RABGAP1L: variants seen among roughly 807,000 people sequenced by gnomAD.
RABGAP1L encodes the protein rab GTPase-activating protein 1-like.
A neutral mutation model predicts 137.7 loss-of-function variants in RABGAP1L; 63 were observed. That is an observed-to-expected ratio of 0.46 (90% CI 0.37 to 0.56). The LOEUF is 0.56. Among genes scored for constraint, RABGAP1L ranks in the 20% least tolerant of loss-of-function variants. RABGAP1L has a pLI of 0.00. For synonymous variants in RABGAP1L, 431 were observed against 433.7 expected (o/e 0.99, Z 0.08); for missense variants, 1,095 against 1,244.0 (o/e 0.88, Z 1.80).
chr1:174,911,767 G>T (rs927050865), intron 19 of RABGAP1L, among the ~76,000 whole-genome samples: 84 of 152,294 alleles, frequency 5.5e-4, no homozygotes, highest in African/African-American at 1.9e-3. Context: ...TTGCCTTGAT[G>T]GCGTAGAATG....
At chr1:174,817,821 A>C (rs1443468961) in intron 19 of RABGAP1L, among the ~76,000 whole-genome samples, 2 of 152,158 alleles carry the variant, frequency 1.3e-5, no homozygotes, top group African/African-American at 2.4e-5. Context: ...AGGCTGAAGA[A>C]ATTATGGATG....
chr1:174,179,830 G>A (rs1666210333), intron 1 of RABGAP1L, among the ~76,000 whole-genome samples: 1 of 152,310 alleles, frequency 6.6e-6, no homozygotes, highest in African/African-American at 2.4e-5. Context: ...CTGGAATAGA[G>A]CAAGCCCTGT....
intron 7 of RABGAP1L, among the ~76,000 whole-genome samples, 175 bp downstream of exon 7, chr1:174,252,765 A>G (rs956179442): frequency 1.3e-5 from 2 of 152,138 alleles, no homozygotes; most frequent in African/African-American, 2.4e-5. Context: ...TTGAAAATCA[A>G]TTGCTGGGGT....
At chr1:174,482,207 C>G (rs1034021771) in intron 13 of RABGAP1L, among the ~76,000 whole-genome samples, 6 of 152,192 alleles carry the variant, frequency 3.9e-5, no homozygotes, top group African/African-American at 1.2e-4. Flanking sequence ...GATTTCCCCC[C>G]AGAGCCTCCA....
chr1:174,629,721 C>T lies in RABGAP1L; in HGVS notation c.1711-7654C>T, dbSNP rs977884410. ...GTATTTTTTAGTAGAGACTGGGTTT[C>T]ACCGTGTTGCCAGGCTGGTCTCGAA... On this transcript the variant is annotated intron_variant, in intron 13 of 25. Transcript: ENST00000681986. Among the ~76,000 whole-genome samples the T allele has an allele frequency of 1.7e-4, 26 of 152,088 alleles. 1 individual carries two copies. The highest frequency in any genetic ancestry group is 1.7e-3 in the Admixed American group (26 of 15,276).
chr1:174,364,234 T>C (rs2148974285), intron 11 of RABGAP1L, among the ~76,000 whole-genome samples: 1 of 145,952 alleles, frequency 6.9e-6, no homozygotes, highest in African/African-American at 2.6e-5. Context: ...TGTTCAGCTT[T>C]TGGATTTCCT....
chr1:174,395,735 A>G, intron 13 of RABGAP1L, among the ~76,000 whole-genome samples: 1 of 151,824 alleles, frequency 6.6e-6, no homozygotes, highest in East Asian at 1.9e-4. Flanking sequence ...CTGGAGTCTC[A>G]GCTATTGAGA....
chr1:174,808,735 C>T (rs951186968), intron 18 of RABGAP1L, among the ~76,000 whole-genome samples: 1 of 151,528 alleles, frequency 6.6e-6, no homozygotes, highest in Non-Finnish European at 1.5e-5. Flanking sequence ...CTCTCTGCAA[C>T]CTCCACCTCC....
intron 13 of RABGAP1L, among the ~76,000 whole-genome samples, chr1:174,491,155 C>T (rs1327826468): frequency 6.6e-6 from 1 of 152,098 alleles, no homozygotes; most frequent in Non-Finnish European, 1.5e-5. Context: ...GTCATCATAG[C>T]TACCACAGCT....
At chr1:174,436,261 T>C (rs867154825) in intron 13 of RABGAP1L, among the ~76,000 whole-genome samples, 18 of 152,352 alleles carry the variant, frequency 1.2e-4, no homozygotes, top group East Asian at 3.9e-4. Flanking sequence ...AACTAGTTTA[T>C]AGTCCCACCA....
At chr1:174,676,272 G>C (rs1321528341) in intron 14 of RABGAP1L, among the ~76,000 whole-genome samples, 1 of 152,080 alleles carries the variant, frequency 6.6e-6, no homozygotes, top group East Asian at 1.9e-4. Context: ...GAGTGTAGTT[G>C]ATGAAGATGG....
intron 13 of RABGAP1L, among the ~76,000 whole-genome samples, chr1:174,441,856 T>G (rs1654196171): frequency 6.6e-6 from 1 of 151,088 alleles, no homozygotes; most frequent in Admixed American, 6.6e-5. Context: ...TTTTTAAAGT[T>G]GGTGGAAAGA....
chr1:174,162,753 C>CTTTTT (rs971302832), intron 1 of RABGAP1L, among the ~76,000 whole-genome samples: 1 of 37,180 alleles, frequency 2.7e-5, no homozygotes, highest in Non-Finnish European at 5.9e-5. Context: ...GCTGGTATTT[C>CTTTTT]TTTTTTTTTT....
intron 19 of RABGAP1L, among the ~76,000 whole-genome samples, chr1:174,860,511 G>C (rs1233780011): frequency 2.0e-5 from 3 of 152,006 alleles, no homozygotes; most frequent in Admixed American, 1.3e-4. Context: ...AGAGAGGTAG[G>C]GTGGGGAATT....
chr1:174,165,968 C>T (rs895912957), intron 1 of RABGAP1L, among the ~76,000 whole-genome samples: 2 of 152,158 alleles, frequency 1.3e-5, no homozygotes, highest in African/African-American at 4.8e-5. Flanking sequence ...CCGTTAGCAC[C>T]AGATGGTTAA....
At chr1:174,774,517 G>A (rs897815500) in intron 18 of RABGAP1L, among the ~76,000 whole-genome samples, 1 of 151,916 alleles carries the variant, frequency 6.6e-6, no homozygotes, top group Non-Finnish European at 1.5e-5. Flanking sequence ...CTGGGTGACA[G>A]AGTGAGATCC....
chr1:174,938,398 C>T (rs1665266440), intron 19 of RABGAP1L: 2 of 152,226 alleles, frequency 1.3e-5, no homozygotes, highest in African/African-American at 4.8e-5. Flanking sequence ...TTCCCTTTCT[C>T]CATCCATCCT....
chr1:174,433,187 C>T (rs749555436), intron 13 of RABGAP1L, among the ~76,000 whole-genome samples: 31 of 152,148 alleles, frequency 2.0e-4, no homozygotes, highest in Non-Finnish European at 4.0e-4. Context: ...AGTGGTGCAG[C>T]CATCATGCCA....
intron 11 of RABGAP1L, among the ~76,000 whole-genome samples, chr1:174,357,577 C>T (rs892402597): frequency 2.6e-5 from 4 of 152,038 alleles, no homozygotes; most frequent in Admixed American, 2.0e-4. Flanking sequence ...TAAATAAAAC[C>T]AAACATGTTT....
Sources: gnomAD v4.1 joint callset for allele counts (sites outside exome capture counted in the v4.1 genomes callset) on GRCh38, gnomAD v4.1.1 for gene constraint, MANE v1.5 for transcripts, NCBI Gene and HGNC (gene_info 2026-07-23, HGNC 2026-07-21) for gene names.